NARF: variants seen among roughly 807,000 people sequenced by gnomAD.
NARF encodes iron-only hydrogenase-like protein 2.
Under a neutral mutation model 48.0 loss-of-function variants are expected in NARF, and 41 were observed. The ratio of observed to expected loss-of-function variants is 0.85; its 90% CI spans 0.66 to 1.11. The LOEUF (loss-of-function observed/expected upper bound fraction) is 1.11, where lower values mean the gene tolerates loss of function less well. NARF is among the 50% of genes least tolerant of loss of function. The probability of loss-of-function intolerance (pLI) is 0.00; values close to 1 mark genes in which losing one functional copy is unlikely to be tolerated. For synonymous variants in NARF, 215 were observed against 225.5 expected (o/e 0.95, Z 0.42); for missense variants, 613 against 590.2 (o/e 1.04, Z -0.40).
At chr17:82,459,275 G>A in intron 1 of NARF, 1 of 747,322 alleles carries the variant, frequency 1.3e-6, no homozygotes, top group Middle Eastern at 6.6e-4. Flanking sequence ...TTGTCTCCAG[G>A]CCATGGCAAC....
intron 3 of NARF, among the ~76,000 whole-genome samples, chr17:82,464,907 A>G (rs534061510): frequency 3.3e-5 from 5 of 152,338 alleles, no homozygotes; most frequent in Admixed American, 3.3e-4. Flanking sequence ...CCTCCTATAC[A>G]GAACGAGAGG....
chr17:82,469,625 C>G (rs898547068), intron 4 of NARF, among the ~76,000 whole-genome samples: 1 of 151,878 alleles, frequency 6.6e-6, no homozygotes, highest in African/African-American at 2.4e-5. Flanking sequence ...GTTTTTTGAG[C>G]TGGAGTCTCG....
intron 4 of NARF, among the ~76,000 whole-genome samples, chr17:82,470,323 G>T (rs1161709932): frequency 6.6e-6 from 1 of 152,072 alleles, no homozygotes; most frequent in East Asian, 1.9e-4. Context: ...AAAGCCTCGG[G>T]TTAGGTTAGT....
chr17:82,467,786 G>C (rs914245873), intron 3 of NARF, among the ~76,000 whole-genome samples: 1 of 152,292 alleles, frequency 6.6e-6, no homozygotes, highest in Middle Eastern at 3.4e-3. Context: ...TTACAGGTAT[G>C]AGCCACCATG....
In NARF at chr17:82,488,086, G is replaced by T. The variant is rs1197099257; in HGVS notation, c.1300G>T (p.Ala434Ser). The T allele has an allele frequency of 1.9e-6, 3 of 1,613,882 alleles. No homozygotes were observed. The African/African-American group carries it at 4.0e-5, about 22-fold the overall frequency. ...EWLEGINSPKAREVLHTTYQS... is the reference protein window; with the variant it reads ...EWLEGINSPKSREVLHTTYQS... ...GCTGGAGGGGATCAACTCCCCCAAG[G>T]CCCGAGAGGTGCTGCATACCACGTA... is the stretch of plus-strand genomic sequence containing the variant. The change falls in exon 11 of 11, where the codon GCC (alanine) becomes TCC (serine). Residue 434 changes from alanine to serine, a missense_variant. Ala to Ser is a moderately conservative substitution (Grantham distance 99). Coordinates refer to ENST00000309794, the MANE Select transcript of NARF (RefSeq NM_012336.4).
At chr17:82,472,724 T>C (rs1248485378) in intron 5 of NARF, 26 bp downstream of exon 5, 1 of 1,596,116 alleles carries the variant, frequency 6.3e-7, no homozygotes, top group Non-Finnish European at 8.5e-7. Flanking sequence ...CCCGCTCTGT[T>C]GGCCTGAGGT....
intron 3 of NARF, chr17:82,468,499 A>G: frequency 2.4e-6 from 1 of 409,604 alleles, no homozygotes; most frequent in South Asian, 2.6e-5. Flanking sequence ...TGTAGCTGGA[A>G]CTGTAGGCAT....
At chr17:82,465,214 G>A (rs1296258255) in intron 3 of NARF, among the ~76,000 whole-genome samples, 3 of 152,170 alleles carry the variant, frequency 2.0e-5, no homozygotes, top group African/African-American at 4.8e-5. Context: ...AAGAGCAAGT[G>A]GGAGATCCGC....
rs750312805 is a variant in NARF at position 82,481,107 on chromosome 17, A to T, written c.665A>T (p.His222Leu). 1.2e-6 allele frequency: 2 copies of T among 1,614,018 alleles called. No homozygotes were observed. The highest frequency in any genetic ancestry group is 2.2e-5 in the South Asian group (2 of 91,060). The change falls in exon 7 of 11, where the codon CAC becomes CTC. Residue 222 changes from histidine (H) to leucine (L), a missense_variant. Transcript: ENST00000309794. Reference protein sequence around the residue: ...QQNLSPEKIFHVIVAPCYDKK... With the variant: ...QQNLSPEKIFLVIVAPCYDKK... ...AACCTGTCTCCAGAGAAGATTTTCC[A>T]CGTCATTGTGGCCCCTTGTTATGAC...
chr17:82,478,493 T>C, intron 5 of NARF: 1 of 470,190 alleles, frequency 2.1e-6, no homozygotes, highest in South Asian at 1.6e-5. Flanking sequence ...CTGCTCCTGC[T>C]GCCTTTCAGT....
upstream of NARF, chr17:82,458,589 T>G: frequency 9.2e-6 from 5 of 545,576 alleles, no homozygotes; most frequent in East Asian, 3.6e-5. Context: ...GACACTGTCA[T>G]TGGCCTAGGC....
rs545642411 is a variant in NARF, at chr17:82,464,101, C to T, written c.109-186C>T. 10 of 648,108 alleles carry T rather than the reference C, an allele frequency of 1.5e-5. No individual in the cohort carries two copies. The East Asian group carries it at 2.9e-4, about 19-fold the overall frequency. 40.1% of individuals were successfully genotyped at this position (648,108 alleles called of 1,614,324 possible). On this transcript the variant is annotated intron_variant, in intron 2 of 10. Transcript: ENST00000309794. Reference sequence around the variant, plus strand: ...TGGGCTGGGCCCTGTGTCCTGTGTCCCTTCACCACCTTGAGCTGCTCAGTG... The same window carrying T: ...TGGGCTGGGCCCTGTGTCCTGTGTCTCTTCACCACCTTGAGCTGCTCAGTG...
chr17:82,481,076 C>T lies in NARF; in HGVS notation c.640-6C>T. ...AGCCCTAAATATGGGTGCCCCTCTC[C>T]CACAGAACCTGTCTCCAGAGAAGAT... On this transcript the variant is annotated splice_region_variant and splice_polypyrimidine_tract_variant and intron_variant, in intron 6 of 10. Coordinates refer to ENST00000309794, the MANE Select transcript of NARF (RefSeq NM_012336.4). The T allele has an allele frequency of 6.2e-7, 1 of 1,614,112 alleles. No individual in the cohort carries two copies. The highest frequency in any genetic ancestry group is 8.5e-7 in the Non-Finnish European group (1 of 1,180,014).
chr17:82,466,638 A>C (rs2043575469), intron 3 of NARF, among the ~76,000 whole-genome samples: 1 of 152,094 alleles, frequency 6.6e-6, no homozygotes, highest in Non-Finnish European at 1.5e-5. Flanking sequence ...TTTTTAGTAG[A>C]GATGGGGTTT....
At position 82,458,873 on chromosome 17, in the gene NARF, C is replaced by G. The variant is rs563729518; in HGVS notation, c.27+43C>G. On this transcript the variant is annotated intron_variant, in intron 1 of 10. Transcript: ENST00000309794. ...GGGAGGCGCGCGCCTGGTGCTTGTC[C>G]TGTGGGGCTCTGGGCGGCCGAGGTT... The G allele has an allele frequency of 5.0e-5, 67 of 1,352,874 alleles. No individual in the cohort carries two copies. In the East Asian group the frequency reaches 1.9e-3, roughly 38 times the overall value. 83.8% of individuals were successfully genotyped at this position (1,352,874 alleles called of 1,614,324 possible).
chr17:82,472,002 TATTTC>T (rs1171761436), intron 4 of NARF, among the ~76,000 whole-genome samples: 1 of 152,108 alleles, frequency 6.6e-6, no homozygotes, highest in African/African-American at 2.4e-5. Context: ...AGAACATACA[TATTTC>T]ATTGTGAAAA....
intron 4 of NARF, among the ~76,000 whole-genome samples, chr17:82,471,805 A>AAAAAAAAAAAG (rs1567935705): frequency 2.0e-5 from 3 of 148,654 alleles, no homozygotes; most frequent in African/African-American, 7.5e-5. Context: ...AAAAAAAAAA[A>AAAAAAAAAAAG]AAGTATGCCC....
intron 7 of NARF, chr17:82,481,889 T>C (rs1032146965): frequency 1.2e-5 from 4 of 330,220 alleles, no homozygotes; most frequent in African/African-American, 4.5e-5. Flanking sequence ...AGTCTGCACT[T>C]AAAACACAAG....
chr17:82,466,533 A>T (rs933839993), intron 3 of NARF, among the ~76,000 whole-genome samples: 1 of 151,620 alleles, frequency 6.6e-6, no homozygotes, highest in African/African-American at 2.4e-5. Context: ...GCTTATTGCA[A>T]CCTCTCCTTC....
Sources: gnomAD v4.1 joint callset for allele counts (sites outside exome capture counted in the v4.1 genomes callset) on GRCh38, gnomAD v4.1.1 for gene constraint, MANE v1.5 for transcripts, NCBI Gene and HGNC (gene_info 2026-07-23, HGNC 2026-07-21) for gene names.